The following METTL24 variants were observed in gnomAD, a reference collection of about 807,000 sequenced individuals.
METTL24 encodes methyltransferase like 24.
METTL24 carries 29 observed loss-of-function variants against 32.7 expected under a neutral mutation model. The observed-to-expected ratio is 0.89, with a 90% confidence interval of 0.66 to 1.21. The LOEUF is 1.21. Among genes scored for constraint, METTL24 ranks in the 50% most tolerant of loss-of-function variants. METTL24 has a pLI of 0.00. For missense variants in METTL24, 439 were observed against 468.1 expected (o/e 0.94, Z 0.57); for synonymous variants, 163 against 179.5 (o/e 0.91, Z 0.73).
intron 2 of METTL24, among the ~76,000 whole-genome samples, chr6:110,315,842 G>A (rs142622495): frequency 6.6e-6 from 1 of 152,254 alleles, no homozygotes; most frequent in Non-Finnish European, 1.5e-5. Flanking sequence ...TGAACCGAGA[G>A]GCTTGGACCA....
chr6:110,282,234 G>A (rs1188658782), intron 4 of METTL24, among the ~76,000 whole-genome samples: 1 of 152,100 alleles, frequency 6.6e-6, no homozygotes, highest in African/African-American at 2.4e-5. Context: ...TGCAGTAAAT[G>A]GTTAAACTAA....
chr6:110,254,921 T>C (rs980038289), intron 4 of METTL24, among the ~76,000 whole-genome samples: 1 of 152,166 alleles, frequency 6.6e-6, no homozygotes, highest in African/African-American at 2.4e-5. Flanking sequence ...CTTGTTGTTG[T>C]AGAAAAATAG....
At chr6:110,320,687 G>A (rs991825811) in intron 2 of METTL24, among the ~76,000 whole-genome samples, 6 of 152,132 alleles carry the variant, frequency 3.9e-5, no homozygotes, top group Non-Finnish European at 1.5e-5. Context: ...TTCACAAAGA[G>A]TTGGTTAGAT....
At chr6:110,250,880 C>T (rs1019778324) in intron 4 of METTL24, among the ~76,000 whole-genome samples, 14 of 152,282 alleles carry the variant, frequency 9.2e-5, no homozygotes, top group South Asian at 6.2e-4. Flanking sequence ...TGTCTTTGGC[C>T]CCCTCCCATT....
chr6:110,319,650 C>T (rs1465619410), intron 2 of METTL24, among the ~76,000 whole-genome samples: 1 of 151,866 alleles, frequency 6.6e-6, no homozygotes, highest in African/African-American at 2.4e-5. Context: ...TTAACTATTT[C>T]TTGTTAGCAG....
rs572704406 is a variant in METTL24 at position 110,312,836 on chromosome 6, G to T, written c.557+2506C>A. Among the ~76,000 whole-genome samples, 660 of 152,298 alleles carry T rather than the reference G, an allele frequency of 4.3e-3. 7 individuals carry two copies. The highest frequency in any genetic ancestry group is 0.015 in the African/African-American group (639 of 41,564). On this transcript the variant is annotated intron_variant, in intron 3 of 4. Coordinates refer to ENST00000338882, the MANE Select transcript of METTL24 (RefSeq NM_001123364.3). Reference sequence around the variant, plus strand: ...GGACAAAATGCACAAACAAAGGAAGGAAAGAATGAAGCAACAAAAGCAGAG... The same window carrying T: ...GGACAAAATGCACAAACAAAGGAAGTAAAGAATGAAGCAACAAAAGCAGAG...
intron 3 of METTL24, among the ~76,000 whole-genome samples, chr6:110,311,468 GTTTTTTT>G (rs1051868507): frequency 3.1e-5 from 3 of 96,140 alleles, no homozygotes; most frequent in Non-Finnish European, 6.0e-5. Context: ...TTCTTTCTTT[GTTTTTTT>G]TTTTTTTTTT....
intron 1 of METTL24, among the ~76,000 whole-genome samples, chr6:110,356,151 A>T (rs1011015115): frequency 6.6e-6 from 1 of 152,206 alleles, no homozygotes; most frequent in African/African-American, 2.4e-5. Context: ...CTTAAGAAAC[A>T]TCACAGTGTT....
At chr6:110,305,048 C>T (rs997455778) in intron 3 of METTL24, among the ~76,000 whole-genome samples, 1 of 152,146 alleles carries the variant, frequency 6.6e-6, no homozygotes, top group Admixed American at 6.5e-5. Flanking sequence ...AATTTCATGT[C>T]CAGCCAAACT....
intron 4 of METTL24, among the ~76,000 whole-genome samples, chr6:110,295,195 T>C (rs1771392133): frequency 6.6e-6 from 1 of 151,962 alleles, no homozygotes; most frequent in South Asian, 2.1e-4. Context: ...GCTAATTTTT[T>C]AAATCTTATG....
At chr6:110,274,750 C>G (rs1047444185) in intron 4 of METTL24, among the ~76,000 whole-genome samples, 1 of 150,628 alleles carries the variant, frequency 6.6e-6, no homozygotes, top group East Asian at 1.9e-4. Flanking sequence ...CTCATGCCCA[C>G]CCACATTTTA....
chr6:110,311,791 C>G (rs1771728675), intron 3 of METTL24, among the ~76,000 whole-genome samples: 1 of 152,030 alleles, frequency 6.6e-6, no homozygotes, highest in African/African-American at 2.4e-5. Context: ...CTGCGCCTGG[C>G]CCCAAAGTTA....
intron 1 of METTL24, among the ~76,000 whole-genome samples, chr6:110,336,738 CAAAA>C (rs57378153): frequency 0.51 from 67,728 of 131,528 alleles, 16,667 homozygotes; most frequent in Non-Finnish European, 0.6. Flanking sequence ...GACTCCGCCT[CAAAA>C]AAAAAAAAAA....
intron 1 of METTL24, among the ~76,000 whole-genome samples, 188 bp from the exon 2 acceptor site, chr6:110,323,060 T>C (rs1771957905): frequency 6.6e-6 from 1 of 152,070 alleles, no homozygotes; most frequent in Non-Finnish European, 1.5e-5. Context: ...GGGAGACAAA[T>C]GAGGCCGGAG....
rs1445245999 is a variant in METTL24, at chr6:110,326,961, C to A, written c.319-4089G>T. ...TGTTCCAGCATTCTTTGGAAAGAGG[C>A]AGTGAGACTTGACCAAGGAGTCATT... is the stretch of plus-strand genomic sequence containing the variant. On this transcript the variant is annotated intron_variant, in intron 1 of 4. Coordinates refer to ENST00000338882, the MANE Select transcript of METTL24 (RefSeq NM_001123364.3). Among the ~76,000 whole-genome samples, 7 of 152,192 alleles carry A rather than the reference C, an allele frequency of 4.6e-5. No homozygotes were observed. The East Asian group carries it at 1.2e-3, about 25-fold the overall frequency.
intron 2 of METTL24, among the ~76,000 whole-genome samples, chr6:110,319,460 G>A (rs1237230837): frequency 2.0e-5 from 3 of 149,988 alleles, no homozygotes; most frequent in Non-Finnish European, 3.0e-5. Flanking sequence ...TAGATAGATA[G>A]ATGACAGACA....
At chr6:110,306,002 A>C (rs1771620630) in intron 3 of METTL24, among the ~76,000 whole-genome samples, 1 of 152,252 alleles carries the variant, frequency 6.6e-6, no homozygotes. Context: ...GTCATAAAAA[A>C]GGTTGAGTTC....
intron 3 of METTL24, among the ~76,000 whole-genome samples, chr6:110,301,338 C>T (rs9481053): frequency 0.23 from 35,696 of 152,028 alleles, 6,818 homozygotes; most frequent in African/African-American, 0.53. Context: ...ATTGACTTGT[C>T]GACTCTGCTC....
chr6:110,251,372 A>G (rs1465151550), intron 4 of METTL24, among the ~76,000 whole-genome samples: 1 of 152,236 alleles, frequency 6.6e-6, no homozygotes, highest in Admixed American at 6.5e-5. Context: ...TTAAAGATGG[A>G]ATATTAATAA....
Sources: gnomAD v4.1 joint callset for allele counts (sites outside exome capture counted in the v4.1 genomes callset) on GRCh38, gnomAD v4.1.1 for gene constraint, MANE v1.5 for transcripts, NCBI Gene and HGNC (gene_info 2026-07-23, HGNC 2026-07-21) for gene names.